The following UNKL variants were observed in gnomAD, a reference collection of about 807,000 sequenced individuals.
The protein encoded by UNKL is unk like zinc finger.
Under a neutral mutation model 78.0 loss-of-function variants are expected in UNKL, and 60 were observed. The ratio of observed to expected loss-of-function variants is 0.77; its 90% CI spans 0.63 to 0.95. UNKL has a LOEUF of 0.95. Among genes scored for constraint, UNKL ranks in the 40% least tolerant of loss-of-function variants. The pLI, the probability that UNKL is intolerant of heterozygous loss-of-function variation, is 0.00. For synonymous variants in UNKL, 608 were observed against 474.8 expected (o/e 1.28, Z -3.65); for missense variants, 1,159 against 1,045.7 (o/e 1.11, Z -1.49).
chr16:1,385,954 T>C (rs898215456), intron 9 of UNKL, among the ~76,000 whole-genome samples: 1 of 152,238 alleles, frequency 6.6e-6, no homozygotes, highest in Non-Finnish European at 1.5e-5. Context: ...ATGATCTGTA[T>C]TTGGTGGATA....
Position 1,363,215 on chromosome 16 carries a change from G to A in UNKL, c.*3025C>T. The A allele has an allele frequency of 1.2e-6, 1 of 807,030 alleles. No homozygotes were observed. Among genetic ancestry groups the A allele is most frequent in the Non-Finnish European group, 2.1e-6 (1 of 481,750 alleles). 50.0% of individuals were successfully genotyped at this position (807,030 alleles called of 1,614,324 possible). Reference sequence around the variant, plus strand: ...AGAAGCAGACAAAACAAAGATTCAAGGTTTTAATTAATTCCCATACTGATA... The same window carrying A: ...AGAAGCAGACAAAACAAAGATTCAAAGTTTTAATTAATTCCCATACTGATA... On this transcript the variant is annotated 3_prime_UTR_variant, in exon 15 of 15. Coordinates refer to ENST00000389221, the MANE Select transcript of UNKL (RefSeq NM_001372107.1).
intron 10 of UNKL, among the ~76,000 whole-genome samples, chr16:1,375,593 C>T (rs1158037613): frequency 1.3e-5 from 2 of 152,166 alleles, no homozygotes; most frequent in African/African-American, 2.4e-5. Flanking sequence ...TCCACTCCCA[C>T]GGAGACACCG....
chr16:1,379,662 G>GCGC, intron 10 of UNKL: 5 of 984,196 alleles, frequency 5.1e-6, no homozygotes, highest in South Asian at 9.3e-5. Flanking sequence ...CGGCCGCCCC[G>GCGC]CGCCGCCGCC....
chr16:1,406,123 G>A (rs1235625521), intron 2 of UNKL: 1 of 450,092 alleles, frequency 2.2e-6, no homozygotes, highest in Non-Finnish European at 4.5e-6. Flanking sequence ...CCAGCTTAAG[G>A]ACGCAGGCAT....
chr16:1,376,079 C>T (rs1329245005), intron 10 of UNKL, among the ~76,000 whole-genome samples: 9 of 151,494 alleles, frequency 5.9e-5, no homozygotes, highest in Admixed American at 2.6e-4. Context: ...CTCCTCCCTC[C>T]AGGGCTGGGG....
At chr16:1,374,521 C>G (rs994547624) in intron 10 of UNKL, among the ~76,000 whole-genome samples, 1 of 152,146 alleles carries the variant, frequency 6.6e-6, no homozygotes, top group Admixed American at 6.5e-5. Flanking sequence ...CCGTGGGGGT[C>G]GGCGCGCCGG....
chr16:1,386,737 C>A (rs747873279), intron 9 of UNKL, among the ~76,000 whole-genome samples: 12 of 152,156 alleles, frequency 7.9e-5, no homozygotes, highest in Non-Finnish European at 1.8e-4. Flanking sequence ...AAATCCCCGA[C>A]AAGAACGCGC....
chr16:1,398,681 A>ACG, intron 5 of UNKL: 1 of 694,504 alleles, frequency 1.4e-6, no homozygotes. Context: ...TGGGGTCTGC[A>ACG]CCCCCCCACC....
intron 2 of UNKL, chr16:1,406,125 C>A (rs763852752): frequency 1.0e-4 from 46 of 448,710 alleles, no homozygotes; most frequent in African/African-American, 8.2e-4. Context: ...AGCTTAAGGA[C>A]GCAGGCATAG....
chr16:1,401,469 C>A (rs2037521193), intron 4 of UNKL, 99 bp downstream of exon 4: 1 of 1,337,818 alleles, frequency 7.5e-7, no homozygotes, highest in South Asian at 1.9e-5. Flanking sequence ...GATCACCTTG[C>A]ACGTAAACTG....
chr16:1,400,537 A>G (rs1325658502), intron 4 of UNKL, among the ~76,000 whole-genome samples: 1 of 147,374 alleles, frequency 6.8e-6, no homozygotes, highest in Non-Finnish European at 1.5e-5. Context: ...CAGGGAGGGG[A>G]TGGGGAGGAA....
At chr16:1,377,013 TC>T (rs998306878) in intron 10 of UNKL, among the ~76,000 whole-genome samples, 21 of 151,320 alleles carry the variant, frequency 1.4e-4, no homozygotes, top group African/African-American at 4.8e-4. Context: ...AGGTGCATCT[TC>T]CCCCGCCACA....
At chr16:1,385,826 G>A (rs961548471) in intron 9 of UNKL, among the ~76,000 whole-genome samples, 1 of 152,204 alleles carries the variant, frequency 6.6e-6, no homozygotes, top group Non-Finnish European at 1.5e-5. Flanking sequence ...ACCTTGGGGG[G>A]CCCCCAGAGA....
At chr16:1,379,940 T>C (rs1390716641) in intron 10 of UNKL, among the ~76,000 whole-genome samples, 9 of 152,012 alleles carry the variant, frequency 5.9e-5, no homozygotes, top group African/African-American at 2.2e-4. Context: ...CACCTGCACC[T>C]GCAGCTGCTC....
At chr16:1,405,544 C>T (rs1340193167) in intron 2 of UNKL, among the ~76,000 whole-genome samples, 1 of 151,614 alleles carries the variant, frequency 6.6e-6, no homozygotes, top group Admixed American at 6.6e-5. Context: ...CCACTGTACT[C>T]CAGGCTGGGT....
In UNKL at chr16:1,385,541, G is replaced by C. The variant is rs893454883; in HGVS notation, c.1087-156C>G. On this transcript the variant is annotated intron_variant, in intron 9 of 14. Transcript: ENST00000389221. ...TCCCAGACCCGGAGGGACTCTGACC[G>C]CACCGAGGAGAAACACCAGGACGGC... 10 of 680,584 alleles carry C rather than the reference G, an allele frequency of 1.5e-5. No homozygotes were observed. The African/African-American group carries it at 1.7e-4, about 12-fold the overall frequency. The allele number at this position is 680,584 out of a possible 1,614,324, so 42.2% of individuals were successfully genotyped here.
chr16:1,407,426 G>T (rs1171211195), intron 2 of UNKL: 1 of 152,000 alleles, frequency 6.6e-6, no homozygotes, highest in Non-Finnish European at 1.5e-5. Flanking sequence ...AAAGAAGACA[G>T]AGGCCGGGCG....
rs965586739 is a variant in UNKL, at chr16:1,403,291, C to G, written c.341G>C (p.Arg114Pro). The G allele has an allele frequency of 6.2e-7, 1 of 1,614,064 alleles. No individual in the cohort carries two copies. Among genetic ancestry groups the G allele is most frequent in the Non-Finnish European group, 8.5e-7 (1 of 1,180,026 alleles). Reference protein sequence around the residue: ...TGDTERKYHLRYYKTGTCIHE... With the variant: ...TGDTERKYHLPYYKTGTCIHE... ...GATGCAGGTTCCTGTTTTGTAGTAA[C>G]GCAGGTGGTACTTGCGTTCTGTGTC... The change falls in exon 3 of 15, where the codon CGT becomes CCT. Residue 114 changes from arginine to proline, a missense_variant. Coordinates refer to ENST00000389221, the MANE Select transcript of UNKL (RefSeq NM_001372107.1). This position sits in a 1 kb window ranked among gnomAD's most constrained non-coding sequence, Gnocchi z 4.8.
At chr16:1,369,290 G>C (rs1373339702) in intron 12 of UNKL, among the ~76,000 whole-genome samples, 1 of 150,708 alleles carries the variant, frequency 6.6e-6, no homozygotes, top group South Asian at 2.1e-4. Flanking sequence ...GGATGGTCTC[G>C]ATATCCTGAC....
Sources: allele counts gnomAD v4.1 joint callset (sites outside exome capture counted in the v4.1 genomes callset), GRCh38; gene constraint gnomAD v4.1.1; non-coding constraint Gnocchi (gnomAD v3.1); transcripts MANE v1.5; gene names NCBI Gene and HGNC (gene_info 2026-07-23, HGNC 2026-07-21).